The following MED27 variants were observed in gnomAD, a reference collection of about 807,000 sequenced individuals.
MED27 encodes the protein mediator complex subunit 27.
Under a neutral mutation model 38.2 loss-of-function variants are expected in MED27, and 30 were observed. The observed-to-expected ratio is 0.79, with a 90% CI of 0.59 to 1.07. The LOEUF (loss-of-function observed/expected upper bound fraction) is 1.07, where lower values mean the gene tolerates loss of function less well. Ranked by LOEUF, MED27 falls within the 50% of genes least tolerant of loss-of-function variation. The pLI is 0.00. For synonymous variants in MED27, 122 were observed against 153.5 expected, an observed-to-expected ratio of 0.79 and a Z score of 1.52; for missense variants, 289 against 397.5, an observed-to-expected ratio of 0.73 and a Z score of 2.32.
In MED27 at chr9:131,862,525, T is replaced by A. The variant is rs1838669281; in HGVS notation, c.801+538A>T. The stretch of plus-strand genomic sequence containing the variant: ...GACTTGCAGTGTTTGCCGATTTCCG[T>A]GGTGTCAACACTCCCACCAAGTTTG... On this transcript the variant is annotated intron_variant, in intron 7 of 7. Coordinates refer to ENST00000292035, the MANE Select transcript of MED27 (RefSeq NM_004269.4). This position sits in a 1 kb window ranked among gnomAD's most constrained non-coding sequence, Gnocchi z 4.6. Among the ~76,000 whole-genome samples the A allele has an allele frequency of 6.6e-6, 1 of 152,140 alleles. No individual in the cohort carries two copies. The highest frequency in any genetic ancestry group is 6.6e-5 in the Admixed American group (1 of 15,266).
chr9:131,880,041 G>A (rs1456844176), intron 6 of MED27, among the ~76,000 whole-genome samples: 1 of 152,256 alleles, frequency 6.6e-6, no homozygotes, highest in Non-Finnish European at 1.5e-5. Flanking sequence ...GTAGTGCAGG[G>A]CCTGGCAGTG....
rs1450835096 is a variant in MED27 at position 131,997,326 on chromosome 9, G to A, written c.479+17011C>T. On this transcript the variant is annotated intron_variant, in intron 3 of 7. Coordinates refer to ENST00000292035, the MANE Select transcript of MED27 (RefSeq NM_004269.4). This position sits in a 1 kb window ranked among gnomAD's most constrained non-coding sequence, Gnocchi z 4.0. ...GCTGTCTGGCTACAGGACAGCGATC[G>A]ACATACAGCCTCCAGCTATCGGCAT... is the stretch of plus-strand genomic sequence containing the variant. 1.3e-5 allele frequency among the ~76,000 whole-genome samples: 2 copies of A among 152,130 alleles called. No individual in the cohort carries two copies. The highest frequency in any genetic ancestry group is 1.9e-4 in the East Asian group (1 of 5,188).
chr9:132,077,608 C>T (rs751935284), intron 1 of MED27, 22 bp from the exon 2 acceptor site: 6 of 1,613,536 alleles, frequency 3.7e-6, no homozygotes, highest in Middle Eastern at 1.7e-4. Context: ...AGAGACAAGG[C>T]AAATAAACCT....
intron 4 of MED27, among the ~76,000 whole-genome samples, chr9:131,938,496 T>C (rs569282870): frequency 1.3e-5 from 2 of 152,176 alleles, no homozygotes; most frequent in African/African-American, 4.8e-5. Flanking sequence ...GCCTTCCTAA[T>C]TAATAACATA....
In MED27 at chr9:131,982,103, A is replaced by G. The variant is rs1167659318; in HGVS notation, c.479+32234T>C. Reference sequence around the variant, plus strand: ...CATGGTCCCCGGTGGAACACTTCCCAGTATTTATGCCCTTGTGGAGTCTCC... The same window carrying G: ...CATGGTCCCCGGTGGAACACTTCCCGGTATTTATGCCCTTGTGGAGTCTCC... On this transcript the variant is annotated intron_variant, in intron 3 of 7. Coordinates refer to ENST00000292035, the MANE Select transcript of MED27 (RefSeq NM_004269.4). The surrounding 1 kb of genome is among the most constrained non-coding windows in gnomAD (Gnocchi z 4.3). Among the ~76,000 whole-genome samples the G allele has an allele frequency of 2.0e-5, 3 of 152,222 alleles. No homozygotes were observed. Among genetic ancestry groups the G allele is most frequent in the Non-Finnish European group, 4.4e-5 (3 of 68,034 alleles).
At chr9:131,971,637 C>T (rs1458893718) in intron 3 of MED27, among the ~76,000 whole-genome samples, 4 of 151,964 alleles carry the variant, frequency 2.6e-5, no homozygotes, top group Admixed American at 2.6e-4. Context: ...ACCTGGGCCC[C>T]GTTAGTGGTG....
intron 2 of MED27, among the ~76,000 whole-genome samples, chr9:132,042,994 A>C (rs1310897861): frequency 6.6e-6 from 1 of 152,186 alleles, no homozygotes; most frequent in African/African-American, 2.4e-5. Flanking sequence ...TTGAGGGACA[A>C]GGTAAGTTTT....
chr9:132,069,846 G>C (rs1049261344), intron 2 of MED27, among the ~76,000 whole-genome samples: 1 of 152,228 alleles, frequency 6.6e-6, no homozygotes, highest in African/African-American at 2.4e-5. Context: ...TAGCAGGACA[G>C]TGGAAGGCCG....
At chr9:131,994,869 G>A (rs376772081) in intron 3 of MED27, among the ~76,000 whole-genome samples, 5 of 152,100 alleles carry the variant, frequency 3.3e-5, no homozygotes, top group African/African-American at 7.2e-5. Flanking sequence ...ACGAGCATAC[G>A]GAGGAAGGGG....
At chr9:131,990,318 G>C (rs1831943868) in intron 3 of MED27, among the ~76,000 whole-genome samples, 1 of 152,126 alleles carries the variant, frequency 6.6e-6, no homozygotes, top group South Asian at 2.1e-4. Context: ...AACCCCTCTG[G>C]AACATTCCTT....
chr9:131,865,800 A>T (rs1328165542), intron 6 of MED27, among the ~76,000 whole-genome samples: 1 of 152,238 alleles, frequency 6.6e-6, no homozygotes, highest in Non-Finnish European at 1.5e-5. Flanking sequence ...TTAAACACAA[A>T]TGACCAACAC....
chr9:132,022,533 G>A (rs185756816), intron 2 of MED27, among the ~76,000 whole-genome samples: 3 of 152,262 alleles, frequency 2.0e-5, no homozygotes, highest in Non-Finnish European at 4.4e-5. Context: ...AGCAGTCTGC[G>A]CTTGACTTCC....
intron 3 of MED27, among the ~76,000 whole-genome samples, chr9:132,005,222 G>A (rs375036130): frequency 1.3e-5 from 2 of 152,202 alleles, no homozygotes; most frequent in Non-Finnish European, 2.9e-5. Flanking sequence ...AGGACAAGGC[G>A]ACACTGGAGA....
At chr9:131,973,453 T>TTTTC (rs1267390002) in intron 3 of MED27, among the ~76,000 whole-genome samples, 16 of 128,104 alleles carry the variant, frequency 1.2e-4, no homozygotes, top group African/African-American at 4.9e-4. Context: ...TTTCTTTTTC[T>TTTTC]TTTCTTTTTT....
chr9:132,079,536 T>C (rs2131179046), intron 1 of MED27, 106 bp downstream of exon 1: 1 of 1,030,326 alleles, frequency 9.7e-7, no homozygotes, highest in Non-Finnish European at 1.5e-6. Context: ...AGAACAGGGA[T>C]CAAGGGAAAC....
chr9:131,992,558 C>T (rs1273860844), intron 3 of MED27, among the ~76,000 whole-genome samples: 1 of 152,078 alleles, frequency 6.6e-6, no homozygotes, highest in African/African-American at 2.4e-5. Context: ...CCACCACACC[C>T]TGCTATTTTT....
At chr9:131,938,466 C>T (rs1160318022) in intron 4 of MED27, among the ~76,000 whole-genome samples, 3 of 152,206 alleles carry the variant, frequency 2.0e-5, no homozygotes, top group Middle Eastern at 3.2e-3. Context: ...AGAAAAGCTT[C>T]TCATCATTGA....
In MED27 at chr9:131,913,809, C is replaced by T. The variant is rs1231438878; in HGVS notation, c.574-19817G>A. Among the ~76,000 whole-genome samples the T allele has an allele frequency of 6.6e-6, 1 of 152,212 alleles. No individual in the cohort carries two copies. The highest frequency in any genetic ancestry group is 2.1e-4 in the South Asian group (1 of 4,830). Reference sequence around the variant, plus strand: ...GGGCGAAACTGACACTTCTAACAAGCACCGAGGGCGGTCCAATGATTCCCT... The same window carrying T: ...GGGCGAAACTGACACTTCTAACAAGTACCGAGGGCGGTCCAATGATTCCCT... On this transcript the variant is annotated intron_variant, in intron 4 of 7. Coordinates refer to ENST00000292035, the MANE Select transcript of MED27 (RefSeq NM_004269.4). The surrounding 1 kb of genome is among the most constrained non-coding windows in gnomAD (Gnocchi z 4.5).
intron 4 of MED27, among the ~76,000 whole-genome samples, chr9:131,910,651 T>C (rs1324149915): frequency 6.6e-6 from 1 of 152,228 alleles, no homozygotes; most frequent in Non-Finnish European, 1.5e-5. Flanking sequence ...TGTCCTGCTA[T>C]GCAGGGCTGA....
Sources: allele counts gnomAD v4.1 joint callset (sites outside exome capture counted in the v4.1 genomes callset), GRCh38; gene constraint gnomAD v4.1.1; non-coding constraint Gnocchi (gnomAD v3.1); transcripts MANE v1.5; gene names NCBI Gene and HGNC (gene_info 2026-07-23, HGNC 2026-07-21).